Variants in PDILT observed in about 807,000 individuals in gnomAD.
PDILT encodes protein disulfide isomerase like, testis expressed, also known as protein disulfide-isomerase-like protein of the testis.
A neutral mutation model predicts 53.7 loss-of-function variants in PDILT; 43 were observed. The ratio of observed to expected loss-of-function variants is 0.80; its 90% CI spans 0.63 to 1.03. The LOEUF (loss-of-function observed/expected upper bound fraction) is 1.03. Ranked by LOEUF, PDILT falls within the 50% of genes least tolerant of loss-of-function variation. The pLI is 0.00. For missense variants in PDILT, 727 were observed against 712.3 expected, an observed-to-expected ratio of 1.02 and a Z score of -0.24; for synonymous variants, 282 against 274.2, an observed-to-expected ratio of 1.03 and a Z score of -0.28.
rs1291007715 is a variant in PDILT, at chr16:20,359,507, C to A, written c.1567G>T (p.Val523Leu). 1.1e-5 allele frequency: 18 copies of A among 1,614,010 alleles called. No individual in the cohort carries two copies. Among genetic ancestry groups the A allele is most frequent in the Non-Finnish European group, 1.4e-5 (17 of 1,180,008 alleles). ...GGTAACCCTTTCCTCATCATAGGCA[C>A]CTCCTTTTCCTCAGCTAGCACTTCC... ...EEEVLAEEKE[V>L]PMMRKGLPEQ... The change falls in exon 12 of 12, where the codon GTG becomes TTG. Residue 523 changes from valine (V) to leucine (L), a missense_variant. Val to Leu is a conservative substitution (Grantham distance 32, BLOSUM62 1). Coordinates refer to ENST00000302451, the MANE Select transcript of PDILT (RefSeq NM_174924.2).
At chr16:20,370,078 A>G (rs1966281433) in intron 7 of PDILT, among the ~76,000 whole-genome samples, 1 of 152,268 alleles carries the variant, frequency 6.6e-6, no homozygotes, top group Non-Finnish European at 1.5e-5. Context: ...TGTTCAATAC[A>G]TGACAATTCT....
At chr16:20,371,359 C>CT (rs1458994817) in intron 7 of PDILT, among the ~76,000 whole-genome samples, 1 of 152,184 alleles carries the variant, frequency 6.6e-6, no homozygotes, top group Non-Finnish European at 1.5e-5. Flanking sequence ...TTAGAGGCCA[C>CT]TGCAGCCACC....
At chr16:20,364,112 G>A (rs1033493416) in intron 9 of PDILT, among the ~76,000 whole-genome samples, 1 of 152,208 alleles carries the variant, frequency 6.6e-6, no homozygotes, top group African/African-American at 2.4e-5. Flanking sequence ...AACAGGAGGG[G>A]GCATAATGGC....
Position 20,399,288 on chromosome 16 carries a change from A to C in PDILT, c.13T>G (p.Trp5Gly), listed in dbSNP as rs939692911. ...GCGGCCACCAGCAGCAGGGGCATCC[A>C]GAGTAGGTCCATGGCTGTCCTGCAG... MDLL[W>G]MPLLLVAACV... The change falls in exon 2 of 12, where the codon TGG becomes GGG. Residue 5 changes from tryptophan to glycine, a missense_variant. Trp to Gly is a radical substitution (Grantham distance 184). Coordinates refer to ENST00000302451, the MANE Select transcript of PDILT (RefSeq NM_174924.2). 2.5e-6 allele frequency: 4 copies of C among 1,613,890 alleles called. No individual in the cohort carries two copies. The highest frequency in any genetic ancestry group is 3.4e-6 in the Non-Finnish European group (4 of 1,179,910).
At chr16:20,387,047 G>A (rs1966549074) in intron 2 of PDILT, among the ~76,000 whole-genome samples, 1 of 152,160 alleles carries the variant, frequency 6.6e-6, no homozygotes. Flanking sequence ...TAGTAATGGA[G>A]ATTCATTCAT....
At position 20,374,834 on chromosome 16, in the gene PDILT, C is replaced by G. The variant is rs752625333; in HGVS notation, c.669G>C (p.Leu223=). ...ATCAAAATCCTACCTTTTTGAACACCAGGACGCTGTCAAGGGTGACGTGGA... is the reference window on the plus strand; with the variant it reads ...ATCAAAATCCTACCTTTTTGAACACGAGGACGCTGTCAAGGGTGACGTGGA... ...GRFHVTLDSV[L]VFKKGKIVNR... The change falls in exon 5 of 12, where the codon CTG becomes CTC. Residue 223 remains leucine (L), a synonymous_variant. Transcript: ENST00000302451. 6.2e-7 allele frequency: 1 copy of G among 1,612,926 alleles called. No homozygotes were observed. The highest frequency in any genetic ancestry group is 1.7e-5 in the Admixed American group (1 of 59,730).
At chr16:20,366,941 T>TTCC (rs1180172331) in intron 8 of PDILT, among the ~76,000 whole-genome samples, 1 of 19,402 alleles carries the variant, frequency 5.2e-5, no homozygotes, top group Non-Finnish European at 1.8e-4. Flanking sequence ...AATTCTTTCC[T>TTCC]TCCTTCCTTC....
chr16:20,400,072 A>ATATTTT (rs753235349), intron 1 of PDILT, among the ~76,000 whole-genome samples: 32 of 137,478 alleles, frequency 2.3e-4, no homozygotes, highest in East Asian at 2.3e-3. Context: ...ATATATATAT[A>ATATTTT]TTTTTTGAGA....
At chr16:20,366,885 T>C (rs561120039) in intron 8 of PDILT, among the ~76,000 whole-genome samples, 1 of 152,196 alleles carries the variant, frequency 6.6e-6, no homozygotes, top group Admixed American at 6.5e-5. Context: ...CAGGGCTCTA[T>C]TTCTACCATG....
At position 20,359,210 on chromosome 16, in the gene PDILT, GC is replaced by G; in HGVS notation, c.*108del. ...GGCTTTATTATCCACCCCTACCCCC[GC>G]CCCACCTACCCTACCACAATGATAT... On this transcript the variant is annotated 3_prime_UTR_variant, in exon 12 of 12. Coordinates refer to ENST00000302451, the MANE Select transcript of PDILT (RefSeq NM_174924.2). 1.1e-6 allele frequency: 1 copy of G among 932,024 alleles called. No individual in the cohort carries two copies. Among genetic ancestry groups the G allele is most frequent in the Non-Finnish European group, 1.5e-6 (1 of 651,678 alleles). 57.7% of individuals were successfully genotyped at this position (932,024 alleles called of 1,614,324 possible).
chr16:20,373,082 G>A lies in PDILT; in HGVS notation c.722C>T (p.Thr241Ile), dbSNP rs768018304. ...GACACGATTGAGTTCCTGTTTGTTG[G>A]TACTGTCATTAATAAGCTTTTGGCG... Reference protein sequence around the residue: ...VNRQKLINDSTNKQELNRVIK... With the variant: ...VNRQKLINDSINKQELNRVIK... Residue 241 changes from threonine to isoleucine, a missense_variant, in exon 6 of 12, where the codon ACC becomes ATC. Coordinates refer to ENST00000302451, the MANE Select transcript of PDILT (RefSeq NM_174924.2). 69 of 1,613,932 alleles carry A rather than the reference G, an allele frequency of 4.3e-5. No homozygotes were observed. Among genetic ancestry groups the A allele is most frequent in the Non-Finnish European group, 5.1e-5 (60 of 1,179,986 alleles).
At chr16:20,400,784 C>T (rs1966730560) in intron 1 of PDILT, among the ~76,000 whole-genome samples, 1 of 152,062 alleles carries the variant, frequency 6.6e-6, no homozygotes, top group Non-Finnish European at 1.5e-5. Flanking sequence ...TCATTTCACC[C>T]ATAAATATTT....
At chr16:20,371,806 T>G (rs978994052) in intron 7 of PDILT, among the ~76,000 whole-genome samples, 1 of 152,094 alleles carries the variant, frequency 6.6e-6, no homozygotes, top group African/African-American at 2.4e-5. Flanking sequence ...AATTTAACTA[T>G]ATCCAAAAAC....
chr16:20,366,936 TTTCCTTCCTTCCTTCCTTCCTTCCTTCC>T (rs554919222), intron 8 of PDILT, among the ~76,000 whole-genome samples: 6 of 35,744 alleles, frequency 1.7e-4, no homozygotes, highest in African/African-American at 4.8e-4. Flanking sequence ...AACCAAATTC[TTTCCTTCCTTCCTTCCTTCCTTCCTTCC>T]TTCCTTCCTT....
intron 5 of PDILT, 95 bp downstream of exon 5, chr16:20,374,727 C>G (rs1016515104): frequency 5.6e-5 from 78 of 1,398,604 alleles, no homozygotes; most frequent in Non-Finnish European, 7.1e-5. Flanking sequence ...CCACTGAGTT[C>G]ACAAGTGGCA....
At position 20,374,933 on chromosome 16, in the gene PDILT, C is replaced by G. The variant is rs756573953; in HGVS notation, c.570G>C (p.Leu190Phe). The G allele has an allele frequency of 6.2e-7, 1 of 1,612,360 alleles. No homozygotes were observed. The highest frequency in any genetic ancestry group is 8.5e-7 in the Non-Finnish European group (1 of 1,179,126). Residue 190 changes from leucine to phenylalanine, a missense_variant, in exon 5 of 12, where the codon TTG becomes TTC. Transcript: ENST00000302451. The part of the protein sequence containing the change: ...FQDLEEEVAE[L>F]FYDVIKDFPE... ...GAAAGTCTTTGATCACATCATAGAA[C>G]AACTCTGCTACTTCTTCCTCTAAAT...
intron 5 of PDILT, among the ~76,000 whole-genome samples, chr16:20,373,998 G>C (rs1966346401): frequency 6.6e-6 from 1 of 152,064 alleles, no homozygotes; most frequent in Admixed American, 6.6e-5. Flanking sequence ...TGCCCAGGCT[G>C]GAGTACAGTG....
chr16:20,382,102 T>G (rs1966468746), intron 3 of PDILT, among the ~76,000 whole-genome samples: 1 of 152,144 alleles, frequency 6.6e-6, no homozygotes, highest in Non-Finnish European at 1.5e-5. Context: ...TCTTGTTATG[T>G]TGACCAGGCT....
At chr16:20,388,186 T>C (rs1328945492) in intron 2 of PDILT, among the ~76,000 whole-genome samples, 1 of 152,160 alleles carries the variant, frequency 6.6e-6, no homozygotes, top group Non-Finnish European at 1.5e-5. Flanking sequence ...ATCGCCATAA[T>C]GATGATGATA....
Sources: gnomAD v4.1 joint callset for allele counts (sites outside exome capture counted in the v4.1 genomes callset) on GRCh38, gnomAD v4.1.1 for gene constraint, MANE v1.5 for transcripts, NCBI Gene and HGNC (gene_info 2026-07-23, HGNC 2026-07-21) for gene names.